The following KCNH5 variants were observed in gnomAD, a reference collection of about 807,000 sequenced individuals.
KCNH5 encodes the protein voltage-gated delayed rectifier potassium channel KCNH5.
KCNH5 carries 46 observed loss-of-function variants against 96.1 expected under a neutral mutation model. That is an observed-to-expected ratio of 0.48 (90% CI 0.38 to 0.61). KCNH5 has a LOEUF of 0.61. Ranked by LOEUF, KCNH5 falls within the 20% of genes least tolerant of loss-of-function variation. KCNH5 has a pLI of 0.00. For synonymous variants in KCNH5, 439 were observed against 449.8 expected (o/e 0.98, Z 0.30); for missense variants, 907 against 1,225.8 (o/e 0.74, Z 3.88).
At chr14:62,970,382 G>A (rs911752643) in intron 6 of KCNH5, among the ~76,000 whole-genome samples, 1 of 152,056 alleles carries the variant, frequency 6.6e-6, no homozygotes, top group African/African-American at 2.4e-5. Flanking sequence ...GCCCAGATAG[G>A]TTCACAAGTG....
intron 8 of KCNH5, among the ~76,000 whole-genome samples, chr14:62,838,765 C>G (rs910560916): frequency 6.6e-6 from 1 of 152,074 alleles, no homozygotes; most frequent in Non-Finnish European, 1.5e-5. Context: ...GTCATTTAAC[C>G]TCTTACAGCC....
chr14:62,912,316 T>C (rs1201742528), intron 7 of KCNH5, among the ~76,000 whole-genome samples: 1 of 152,204 alleles, frequency 6.6e-6, no homozygotes, highest in Non-Finnish European at 1.5e-5. Context: ...TCTTTGTCTT[T>C]TAGTACTTAT....
chr14:62,909,191 G>A (rs1218229956), intron 7 of KCNH5, among the ~76,000 whole-genome samples: 5 of 149,238 alleles, frequency 3.4e-5, no homozygotes, highest in East Asian at 2.0e-4. Context: ...GACTACAGGC[G>A]CCCGCCACTA....
chr14:62,909,030 GTATTTTTTT>G (rs375036197), intron 7 of KCNH5, among the ~76,000 whole-genome samples: 49 of 100,776 alleles, frequency 4.9e-4, no homozygotes, highest in South Asian at 2.5e-3. Flanking sequence ...ACTATGCTAC[GTATTTTTTT>G]TTTTTTTTTT....
chr14:63,026,524 C>G (rs1423006282), intron 1 of KCNH5, among the ~76,000 whole-genome samples: 1 of 151,408 alleles, frequency 6.6e-6, no homozygotes, highest in East Asian at 1.9e-4. Flanking sequence ...AACAAATAAC[C>G]AGATTAAAAC....
At chr14:62,863,388 ACAAAC>A (rs1218896233) in intron 7 of KCNH5, among the ~76,000 whole-genome samples, 1 of 152,216 alleles carries the variant, frequency 6.6e-6, no homozygotes, top group African/African-American at 2.4e-5. Context: ...AAGACAAAAA[ACAAAC>A]CATTAAGAGG....
chr14:62,940,999 A>G (rs1889778495), intron 7 of KCNH5, among the ~76,000 whole-genome samples: 1 of 152,196 alleles, frequency 6.6e-6, no homozygotes, highest in African/African-American at 2.4e-5. Flanking sequence ...GGACATTGAG[A>G]TGGGGATGGA....
intron 7 of KCNH5, among the ~76,000 whole-genome samples, chr14:62,948,659 T>C (rs1441887125): frequency 2.7e-5 from 4 of 150,928 alleles, no homozygotes; most frequent in Non-Finnish European, 5.9e-5. Context: ...ACTAATTTTA[T>C]GAGGCCAGCA....
chr14:63,004,417 G>A (rs1891088387), intron 3 of KCNH5, among the ~76,000 whole-genome samples: 1 of 152,124 alleles, frequency 6.6e-6, no homozygotes, highest in South Asian at 2.1e-4. Flanking sequence ...GCTATAAGCA[G>A]GCACTTATCT....
intron 10 of KCNH5, among the ~76,000 whole-genome samples, chr14:62,737,314 A>C (rs1303528461): frequency 3.3e-5 from 5 of 152,246 alleles, no homozygotes; most frequent in Non-Finnish European, 7.3e-5. Flanking sequence ...AAAGTGCACA[A>C]GGCATATCTA....
intron 8 of KCNH5, among the ~76,000 whole-genome samples, chr14:62,833,228 T>C (rs917319534): frequency 1.7e-4 from 26 of 152,034 alleles, no homozygotes; most frequent in African/African-American, 4.6e-4. Context: ...TCAAAACCAA[T>C]GTAAAGAAGA....
intron 6 of KCNH5, among the ~76,000 whole-genome samples, chr14:62,967,734 T>C (rs759029681): frequency 6.6e-6 from 1 of 152,182 alleles, no homozygotes; most frequent in Non-Finnish European, 1.5e-5. Context: ...GGGATAATTA[T>C]TGCACAGAAA....
chr14:62,956,357 G>A (rs1013300761), intron 6 of KCNH5, among the ~76,000 whole-genome samples: 2 of 152,114 alleles, frequency 1.3e-5, no homozygotes, highest in Non-Finnish European at 2.9e-5. Flanking sequence ...TGGGAGAGGG[G>A]CAGTGATTAC....
chr14:63,020,607 G>T (rs1460578056), intron 1 of KCNH5, among the ~76,000 whole-genome samples: 2 of 152,118 alleles, frequency 1.3e-5, no homozygotes, highest in Admixed American at 6.6e-5. Context: ...ATTATATGAT[G>T]ATAGGGACCA....
At chr14:63,016,628 T>C (rs568667652) in intron 2 of KCNH5, among the ~76,000 whole-genome samples, 21 of 152,222 alleles carry the variant, frequency 1.4e-4, no homozygotes, top group African/African-American at 4.6e-4. Context: ...CACAGATATA[T>C]ACAAATCTTT....
chr14:62,768,144 C>T (rs115095430), intron 10 of KCNH5, among the ~76,000 whole-genome samples: 1 of 151,980 alleles, frequency 6.6e-6, no homozygotes, highest in Admixed American at 6.6e-5. Flanking sequence ...ACTAAAAACC[C>T]AGACTTTACC....
At chr14:62,748,663 C>T (rs79492931) in intron 10 of KCNH5, among the ~76,000 whole-genome samples, 4,887 of 152,102 alleles carry the variant, frequency 0.032, 153 homozygotes, top group South Asian at 0.084. Flanking sequence ...GATATTCCTG[C>T]CTAACTATGG....
At chr14:62,840,650 A>G (rs1042230015) in intron 8 of KCNH5, among the ~76,000 whole-genome samples, 1 of 141,060 alleles carries the variant, frequency 7.1e-6, no homozygotes, top group Non-Finnish European at 1.5e-5. Flanking sequence ...GGCTCACTGC[A>G]AACTCTGCCT....
rs1213484157 is a variant in KCNH5 at position 62,799,726 on chromosome 14, T to TATATATATATACAC, written c.1822+2602_1822+2603insGTGTATATATATAT. 1.2e-3 allele frequency among the ~76,000 whole-genome samples: 84 copies of TATATATATATACAC among 68,618 alleles called. 1 individual carries two copies. Among genetic ancestry groups the TATATATATATACAC allele is most frequent in the East Asian group, 1.7e-3 (4 of 2,390 alleles). The allele number at this position is 68,618 out of a possible 152,430, so 45.0% of individuals were successfully genotyped here. On this transcript the variant is annotated intron_variant, in intron 9 of 10. Coordinates refer to ENST00000322893, the MANE Select transcript of KCNH5 (RefSeq NM_139318.5). ...ATATATATATATATATATATATATATACACACACACACACACACATATCAG... is the reference window on the plus strand; with the variant it reads ...ATATATATATATATATATATATATATATATATATATACACACACACACACACACACACATATCAG...
Sources: gnomAD v4.1 joint callset for allele counts (sites outside exome capture counted in the v4.1 genomes callset) on GRCh38, gnomAD v4.1.1 for gene constraint, MANE v1.5 for transcripts, NCBI Gene and HGNC (gene_info 2026-07-23, HGNC 2026-07-21) for gene names.